Variants in PLEKHG7 observed in about 807,000 individuals in gnomAD.
The protein encoded by PLEKHG7 is pleckstrin homology and RhoGEF domain containing G7, also known as pleckstrin homology domain-containing family G member 7.
Under a neutral mutation model 85.2 loss-of-function variants are expected in PLEKHG7, and 77 were observed. The ratio of observed to expected loss-of-function variants is 0.90; its 90% CI spans 0.75 to 1.09. PLEKHG7 has a LOEUF of 1.09. PLEKHG7 is among the 50% of genes least tolerant of loss of function. PLEKHG7 has a pLI of 0.00. For synonymous variants in PLEKHG7, 301 were observed against 302.4 expected, an observed-to-expected ratio of 1.00 and a Z score of 0.05; for missense variants, 777 against 804.3, an observed-to-expected ratio of 0.97 and a Z score of 0.41.
At chr12:92,722,206 C>T (rs144774470) in intron 3 of PLEKHG7, among the ~76,000 whole-genome samples, 5 of 152,098 alleles carry the variant, frequency 3.3e-5, no homozygotes, top group East Asian at 3.9e-4. Flanking sequence ...TCCAACGATC[C>T]GAGCAACCCC....
chr12:92,746,709 G>A (rs1281170241), intron 10 of PLEKHG7, among the ~76,000 whole-genome samples: 2 of 152,100 alleles, frequency 1.3e-5, no homozygotes, highest in Admixed American at 1.3e-4. Flanking sequence ...AAATAACTTT[G>A]GAAAATCCTA....
At chr12:92,764,337 T>A (rs1408087121) in intron 15 of PLEKHG7, 143 bp downstream of exon 15, 1 of 828,626 alleles carries the variant, frequency 1.2e-6, no homozygotes, top group Non-Finnish European at 1.8e-6. Context: ...TATCTTTCAC[T>A]CTATGAATTA....
intron 5 of PLEKHG7, 111 bp from the exon 6 acceptor site, chr12:92,736,371 C>T (rs866668123): frequency 6.6e-6 from 4 of 604,102 alleles, no homozygotes; most frequent in Middle Eastern, 5.1e-4. Context: ...ACAAAATATG[C>T]CATCTCTTAT....
chr12:92,737,890 T>G (rs185963853), intron 7 of PLEKHG7, among the ~76,000 whole-genome samples: 225 of 152,334 alleles, frequency 1.5e-3, no homozygotes, highest in African/African-American at 4.9e-3. Flanking sequence ...TCTTTATACT[T>G]TAACATTGGA....
intron 10 of PLEKHG7, among the ~76,000 whole-genome samples, chr12:92,753,631 T>C (rs1304856172): frequency 6.6e-6 from 1 of 152,162 alleles, no homozygotes; most frequent in East Asian, 1.9e-4. Flanking sequence ...CTATTTTCAT[T>C]TCTCTTCATT....
At position 92,744,666 on chromosome 12, in the gene PLEKHG7, T is replaced by G. The variant is rs903166938; in HGVS notation, c.1138-812T>G. On this transcript the variant is annotated intron_variant, in intron 9 of 16. Transcript: ENST00000344636. ...AGATGTCCCAAATTTCTTTTTTTTT[T>G]TTTTGTTTTTGGATATGGAGATGGA... Among the ~76,000 whole-genome samples, 9 of 151,532 alleles carry G rather than the reference T, an allele frequency of 5.9e-5. No individual in the cohort carries two copies. The East Asian group carries it at 7.7e-4, about 13-fold the overall frequency.
At chr12:92,726,985 T>G (rs1364963816) in intron 3 of PLEKHG7, among the ~76,000 whole-genome samples, 2 of 152,234 alleles carry the variant, frequency 1.3e-5, no homozygotes, top group Non-Finnish European at 2.9e-5. Context: ...TGAGGTCTTT[T>G]TCCTAGTATC....
chr12:92,730,985 T>C (rs1592678289), intron 4 of PLEKHG7, among the ~76,000 whole-genome samples: 1 of 152,208 alleles, frequency 6.6e-6, no homozygotes, highest in East Asian at 1.9e-4. Flanking sequence ...TTGCTGTGCA[T>C]ATGAGTCACC....
intron 4 of PLEKHG7, among the ~76,000 whole-genome samples, chr12:92,729,577 G>A (rs1408150900): frequency 1.3e-5 from 2 of 151,942 alleles, no homozygotes; most frequent in South Asian, 4.2e-4. Context: ...ATGAGTGTCT[G>A]ATAGACAGGC....
chr12:92,768,503 T>G (rs933878247), intron 15 of PLEKHG7, among the ~76,000 whole-genome samples: 1 of 152,206 alleles, frequency 6.6e-6, no homozygotes, highest in Admixed American at 6.5e-5. Context: ...TCAGGTGGTT[T>G]TGTATTTTTG....
chr12:92,706,089 AC>A (rs1386333198), intron 1 of PLEKHG7, among the ~76,000 whole-genome samples: 1 of 152,232 alleles, frequency 6.6e-6, no homozygotes. Context: ...AGAATGCACC[AC>A]AATATGTACA....
chr12:92,735,606 T>C (rs763539203), intron 5 of PLEKHG7, among the ~76,000 whole-genome samples: 15 of 152,368 alleles, frequency 9.8e-5, no homozygotes, highest in Admixed American at 2.0e-4. Context: ...TGCACATTGT[T>C]ATTTGATAGC....
At chr12:92,730,261 A>T (rs1871944803) in intron 4 of PLEKHG7, among the ~76,000 whole-genome samples, 1 of 152,228 alleles carries the variant, frequency 6.6e-6, no homozygotes, top group South Asian at 2.1e-4. Context: ...GCTTGAGGAC[A>T]TGCCCCTAGA....
At chr12:92,712,202 T>C (rs961471505) in intron 3 of PLEKHG7, among the ~76,000 whole-genome samples, 1 of 152,214 alleles carries the variant, frequency 6.6e-6, no homozygotes, top group African/African-American at 2.4e-5. Flanking sequence ...TGGACCAGTG[T>C]GATATCTTGC....
At chr12:92,725,945 A>G in intron 3 of PLEKHG7, among the ~76,000 whole-genome samples, 1 of 152,164 alleles carries the variant, frequency 6.6e-6, no homozygotes, top group East Asian at 1.9e-4. Context: ...AGATCTACTA[A>G]ATCAGAATCT....
chr12:92,765,629 CAAA>C (rs1253858910), intron 15 of PLEKHG7, among the ~76,000 whole-genome samples: 3 of 118,558 alleles, frequency 2.5e-5, no homozygotes, highest in Non-Finnish European at 1.8e-5. Context: ...AACTCCATCT[CAAA>C]AAAAAAAAAA....
At chr12:92,763,374 C>T (rs1402613238) in intron 14 of PLEKHG7, among the ~76,000 whole-genome samples, 1 of 152,162 alleles carries the variant, frequency 6.6e-6, no homozygotes, top group African/African-American at 2.4e-5. Context: ...CAAAGTGAGG[C>T]CCCCTTTCTC....
chr12:92,748,391 TGCCTGCC>T (rs1270306404), intron 10 of PLEKHG7, among the ~76,000 whole-genome samples: 2 of 151,986 alleles, frequency 1.3e-5, no homozygotes, highest in East Asian at 3.9e-4. Flanking sequence ...GAACTACAGG[TGCCTGCC>T]ACCGTGCCTG....
chr12:92,749,926 A>ATTTTATAT (rs1171322619), intron 10 of PLEKHG7, among the ~76,000 whole-genome samples: 2 of 105,270 alleles, frequency 1.9e-5, no homozygotes, highest in African/African-American at 8.1e-5. Flanking sequence ...ATTTTATTTT[A>ATTTTATAT]TTTATTTTAT....
Sources: allele counts gnomAD v4.1 joint callset (sites outside exome capture counted in the v4.1 genomes callset), GRCh38; gene constraint gnomAD v4.1.1; transcripts MANE v1.5; gene names NCBI Gene and HGNC (gene_info 2026-07-23, HGNC 2026-07-21).